The following CACNA2D3 variants were observed in gnomAD, a reference collection of about 807,000 sequenced individuals.
CACNA2D3 encodes calcium voltage-gated channel auxiliary subunit alpha2delta 3, also known as voltage-dependent calcium channel subunit alpha-2/delta-3.
A neutral mutation model predicts 160.6 loss-of-function variants in CACNA2D3; 60 were observed. The ratio of observed to expected loss-of-function variants is 0.37; its 90% CI spans 0.30 to 0.46. The LOEUF is 0.46. Among genes scored for constraint, CACNA2D3 ranks in the 20% least tolerant of loss-of-function variants. The pLI is 1.00. For missense variants in CACNA2D3, 1,205 were observed against 1,365.0 expected, an observed-to-expected ratio of 0.88 and a Z score of 1.85; for synonymous variants, 558 against 492.9, an observed-to-expected ratio of 1.13 and a Z score of -1.75.
At chr3:54,627,474 G>A (rs1699149111) in intron 9 of CACNA2D3, among the ~76,000 whole-genome samples, 1 of 152,190 alleles carries the variant, frequency 6.6e-6, no homozygotes, top group African/African-American at 2.4e-5. Context: ...CGGGAGAGTA[G>A]GGGTAGGAGA....
intron 13 of CACNA2D3, among the ~76,000 whole-genome samples, chr3:54,766,427 A>T (rs963404665): frequency 2.0e-5 from 3 of 152,220 alleles, no homozygotes; most frequent in African/African-American, 7.2e-5. Context: ...ATACCATTTC[A>T]CACCCATCAG....
chr3:54,387,741 T>G (rs1699213946), intron 4 of CACNA2D3, among the ~76,000 whole-genome samples: 1 of 152,200 alleles, frequency 6.6e-6, no homozygotes, highest in Admixed American at 6.5e-5. Context: ...ATTGGCACTT[T>G]GAGTTTTGTG....
chr3:54,640,853 T>C (rs551783953), intron 10 of CACNA2D3, among the ~76,000 whole-genome samples: 4 of 152,322 alleles, frequency 2.6e-5, no homozygotes, highest in South Asian at 2.1e-4. Flanking sequence ...GAAAGAGATA[T>C]TGTCTCTCAA....
intron 2 of CACNA2D3, among the ~76,000 whole-genome samples, chr3:54,298,343 G>A (rs9874534): frequency 0.32 from 48,621 of 152,262 alleles, 8,194 homozygotes; most frequent in Middle Eastern, 0.44. Context: ...CACTCACACA[G>A]GGCATGTGCC....
chr3:54,562,517 T>C (rs974465932), intron 5 of CACNA2D3, among the ~76,000 whole-genome samples: 4 of 152,182 alleles, frequency 2.6e-5, no homozygotes, highest in African/African-American at 7.2e-5. Context: ...TGATTTTCTC[T>C]ATGGGATATG....
At chr3:54,612,370 T>C (rs1364970222) in intron 9 of CACNA2D3, among the ~76,000 whole-genome samples, 2 of 152,126 alleles carry the variant, frequency 1.3e-5, no homozygotes, top group Non-Finnish European at 2.9e-5. Context: ...TTTAGACTCA[T>C]AATCATAGTC....
At chr3:54,332,614 C>T (rs921198478) in intron 3 of CACNA2D3, among the ~76,000 whole-genome samples, 2 of 150,750 alleles carry the variant, frequency 1.3e-5, no homozygotes, top group East Asian at 1.9e-4. Flanking sequence ...TAATGCCTGT[C>T]GGGAGTGGGA....
chr3:54,441,726 C>G (rs1244594202), intron 4 of CACNA2D3, among the ~76,000 whole-genome samples: 1 of 152,138 alleles, frequency 6.6e-6, no homozygotes, highest in African/African-American at 2.4e-5. Flanking sequence ...CAAATGTGTT[C>G]TAGTTCAATT....
At chr3:54,652,648 C>T (rs1202594549) in intron 11 of CACNA2D3, among the ~76,000 whole-genome samples, 2 of 151,982 alleles carry the variant, frequency 1.3e-5, no homozygotes, top group African/African-American at 4.8e-5. Context: ...GTGCAGGTGG[C>T]TGGAGCCCAG....
intron 35 of CACNA2D3, among the ~76,000 whole-genome samples, chr3:55,023,222 G>T (rs358045): frequency 0.45 from 67,694 of 151,868 alleles, 17,075 homozygotes; most frequent in African/African-American, 0.7. Flanking sequence ...CCCCCGTTTC[G>T]GATGGCTTTT....
intron 2 of CACNA2D3, among the ~76,000 whole-genome samples, chr3:54,204,414 A>G (rs1287814034): frequency 1.3e-5 from 2 of 152,170 alleles, no homozygotes; most frequent in Non-Finnish European, 2.9e-5. Context: ...TCCTATGTGC[A>G]CAAACATCAA....
At chr3:54,434,792 G>T (rs1436445497) in intron 4 of CACNA2D3, among the ~76,000 whole-genome samples, 1 of 152,114 alleles carries the variant, frequency 6.6e-6, no homozygotes. Context: ...CAGTTTCCAA[G>T]TGTTTCTTTC....
At chr3:54,562,516 C>G (rs556771053) in intron 5 of CACNA2D3, among the ~76,000 whole-genome samples, 2 of 152,202 alleles carry the variant, frequency 1.3e-5, no homozygotes, top group African/African-American at 2.4e-5. Context: ...GTGATTTTCT[C>G]TATGGGATAT....
At chr3:54,757,435 T>C (rs1235266472) in intron 12 of CACNA2D3, among the ~76,000 whole-genome samples, 3 of 152,272 alleles carry the variant, frequency 2.0e-5, no homozygotes, top group African/African-American at 7.2e-5. Flanking sequence ...ATTATATCTT[T>C]CCACATGTAG....
rs999051897 is a variant in CACNA2D3, at chr3:54,435,361, T to C, written c.381+48587T>C. Among the ~76,000 whole-genome samples the C allele has an allele frequency of 2.0e-5, 3 of 152,192 alleles. No homozygotes were observed. The South Asian group carries it at 6.2e-4, about 31-fold the overall frequency. On this transcript the variant is annotated intron_variant, in intron 4 of 37. Transcript: ENST00000474759. ...GGAGTCCCATGGGGAGCTGAGCTTT[T>C]ACCTGAACTCAGCTCTAATGGGGAG...
intron 12 of CACNA2D3, among the ~76,000 whole-genome samples, chr3:54,758,852 C>T (rs910334673): frequency 3.3e-5 from 5 of 152,102 alleles, no homozygotes; most frequent in Non-Finnish European, 5.9e-5. Flanking sequence ...AAGCTACACC[C>T]GTCACTCCAA....
chr3:55,044,687 T>C (rs1404404501), intron 35 of CACNA2D3, among the ~76,000 whole-genome samples: 1 of 152,144 alleles, frequency 6.6e-6, no homozygotes, highest in Non-Finnish European at 1.5e-5. Context: ...CCTGGCCATG[T>C]TCCCAGTTTT....
At chr3:54,334,808 A>G (rs1421303583) in intron 3 of CACNA2D3, among the ~76,000 whole-genome samples, 1 of 152,254 alleles carries the variant, frequency 6.6e-6, no homozygotes, top group East Asian at 1.9e-4. Context: ...TTTTATTTGT[A>G]TATGTAAATA....
chr3:54,518,590 C>T (rs1028611383), intron 5 of CACNA2D3, among the ~76,000 whole-genome samples: 3 of 152,214 alleles, frequency 2.0e-5, no homozygotes, highest in Non-Finnish European at 4.4e-5. Flanking sequence ...GCCTGGTATT[C>T]TTGATAACCT....
Sources: gnomAD v4.1 joint callset for allele counts (sites outside exome capture counted in the v4.1 genomes callset) on GRCh38, gnomAD v4.1.1 for gene constraint, MANE v1.5 for transcripts, NCBI Gene and HGNC (gene_info 2026-07-23, HGNC 2026-07-21) for gene names.